ERC2: variants seen among roughly 807,000 people sequenced by gnomAD.
The protein encoded by ERC2 is ERC protein 2.
In ERC2, 42 loss-of-function variants were observed where a neutral mutation model predicts 114.8. That is an observed-to-expected ratio of 0.37 (90% CI 0.29 to 0.47). ERC2 has a LOEUF of 0.47. Among genes scored for constraint, ERC2 ranks in the 20% least tolerant of loss-of-function variants. The pLI is 0.99. For synonymous variants in ERC2, 454 were observed against 425.5 expected (o/e 1.07, Z -0.82); for missense variants, 939 against 1,150.7 (o/e 0.82, Z 2.66).
In ERC2 at chr3:56,089,586, C is replaced by CTTT. The variant is rs3052550; in HGVS notation, c.1474-8605_1474-8603dup. ...TTTTTGTATTGTCTTCAAAATCTAG[C>CTTT]TTTTTTTTAATACTTTTAGCACATC... On this transcript the variant is annotated intron_variant, in intron 6 of 17. Transcript: ENST00000288221. 3.4e-3 allele frequency among the ~76,000 whole-genome samples: 515 copies of CTTT among 151,650 alleles called. 5 individuals carry two copies. The highest frequency in any genetic ancestry group is 0.012 in the African/African-American group (480 of 41,324).
chr3:56,431,604 C>T (rs904659109), intron 2 of ERC2, among the ~76,000 whole-genome samples: 4 of 152,074 alleles, frequency 2.6e-5, no homozygotes. Context: ...CAAAACTTAC[C>T]CTATCCTGAC....
At chr3:56,382,826 C>T (rs960921196) in intron 2 of ERC2, among the ~76,000 whole-genome samples, 2 of 152,058 alleles carry the variant, frequency 1.3e-5, no homozygotes, top group African/African-American at 4.8e-5. Flanking sequence ...CTATCTCATC[C>T]CTGGACTCGA....
intron 16 of ERC2, among the ~76,000 whole-genome samples, chr3:55,690,658 C>A (rs1465296398): frequency 2.0e-5 from 3 of 152,152 alleles, no homozygotes; most frequent in African/African-American, 7.2e-5. Context: ...AACACTCTAC[C>A]CCAAATAGCA....
chr3:55,790,847 T>A (rs2149076186), intron 14 of ERC2, among the ~76,000 whole-genome samples: 1 of 152,372 alleles, frequency 6.6e-6, no homozygotes, highest in East Asian at 1.9e-4. Context: ...CAAGGAACCC[T>A]TGTTTCATTC....
chr3:55,510,797 G>A lies in ERC2; in HGVS notation c.*519C>T, dbSNP rs2052020280. 6.6e-6 allele frequency: 1 copy of A among 152,142 alleles called. No individual in the cohort carries two copies. Among genetic ancestry groups the A allele is most frequent in the Non-Finnish European group, 1.5e-5 (1 of 68,034 alleles). 9.4% of individuals were successfully genotyped at this position (152,142 alleles called of 1,614,324 possible). A position where few individuals can be genotyped will look rare whatever the true frequency, so the allele number is the denominator to read the frequency against. ...ACTGCCAACACCACTCACTCACAGC[G>A]AATTTATACTTTTTGATAATCTAAT... On this transcript the variant is annotated 3_prime_UTR_variant, in exon 18 of 18. Transcript: ENST00000288221.
chr3:55,629,695 C>T (rs922888184), intron 17 of ERC2, among the ~76,000 whole-genome samples: 26 of 152,198 alleles, frequency 1.7e-4, no homozygotes, highest in Non-Finnish European at 1.6e-4. Flanking sequence ...AGATAAGGTA[C>T]TTCTCATGAA....
At chr3:56,281,788 C>T (rs2054366508) in intron 3 of ERC2, among the ~76,000 whole-genome samples, 1 of 152,114 alleles carries the variant, frequency 6.6e-6, no homozygotes, top group South Asian at 2.1e-4. Context: ...GAATTGTCTC[C>T]ATAACATTCT....
intron 6 of ERC2, among the ~76,000 whole-genome samples, chr3:56,109,154 C>T (rs932933424): frequency 2.0e-5 from 3 of 151,912 alleles, no homozygotes; most frequent in Admixed American, 2.0e-4. Context: ...ATTTTTTCTG[C>T]TCCTCTCTCC....
chr3:55,926,586 A>C (rs1032939365), intron 13 of ERC2, among the ~76,000 whole-genome samples: 1 of 152,190 alleles, frequency 6.6e-6, no homozygotes, highest in African/African-American at 2.4e-5. Context: ...GTTGAACACA[A>C]GTAAGATCCG....
At chr3:55,931,877 A>G (rs2066114742) in intron 13 of ERC2, among the ~76,000 whole-genome samples, 1 of 152,208 alleles carries the variant, frequency 6.6e-6, no homozygotes, top group Non-Finnish European at 1.5e-5. Context: ...TCTTATAAAA[A>G]TCATTTGCTG....
intron 12 of ERC2, among the ~76,000 whole-genome samples, chr3:55,964,894 G>A (rs1237123346): frequency 6.6e-6 from 1 of 152,130 alleles, no homozygotes; most frequent in Non-Finnish European, 1.5e-5. Flanking sequence ...CTTCTCTCTG[G>A]TCTGAAAGGC....
intron 2 of ERC2, among the ~76,000 whole-genome samples, chr3:56,425,368 C>A (rs1229442485): frequency 6.6e-6 from 1 of 152,010 alleles, no homozygotes; most frequent in Non-Finnish European, 1.5e-5. Flanking sequence ...ACCAAGACCG[C>A]CCACCACACA....
chr3:55,883,195 T>C (rs1244518566), intron 14 of ERC2, among the ~76,000 whole-genome samples: 3 of 152,236 alleles, frequency 2.0e-5, no homozygotes, highest in Non-Finnish European at 4.4e-5. Context: ...AGATTCACAA[T>C]ATCCAATATT....
At chr3:56,271,834 T>G (rs1331041715) in intron 3 of ERC2, among the ~76,000 whole-genome samples, 1 of 152,126 alleles carries the variant, frequency 6.6e-6, no homozygotes, top group Non-Finnish European at 1.5e-5. Flanking sequence ...GTGTTATAAG[T>G]GAGAACATGC....
At chr3:55,520,060 A>AAG (rs2052802512) in intron 17 of ERC2, among the ~76,000 whole-genome samples, 2 of 150,638 alleles carry the variant, frequency 1.3e-5, no homozygotes, top group South Asian at 2.1e-4. Flanking sequence ...GTCTCCAAAA[A>AAG]AAAAGGAAAA....
At chr3:55,868,929 T>C (rs1381281588) in intron 14 of ERC2, among the ~76,000 whole-genome samples, 1 of 152,196 alleles carries the variant, frequency 6.6e-6, no homozygotes, top group African/African-American at 2.4e-5. Context: ...TTAAATAATA[T>C]TTTCCAGGCT....
intron 17 of ERC2, among the ~76,000 whole-genome samples, chr3:55,634,001 C>T (rs1183368651): frequency 6.6e-6 from 1 of 152,142 alleles, no homozygotes; most frequent in Non-Finnish European, 1.5e-5. Flanking sequence ...AGGGGACTTG[C>T]CACTCCAAAG....
intron 17 of ERC2, chr3:55,657,984 C>T (rs902312756): frequency 2.6e-5 from 4 of 152,146 alleles, no homozygotes; most frequent in Non-Finnish European, 5.9e-5. Flanking sequence ...TAGCTCCCAC[C>T]GTGGATCTTA....
At chr3:55,930,843 G>A (rs568079990) in intron 13 of ERC2, among the ~76,000 whole-genome samples, 5 of 152,024 alleles carry the variant, frequency 3.3e-5, no homozygotes, top group Non-Finnish European at 7.4e-5. Context: ...GAAAATTTTT[G>A]CAATCTATCC....
Sources: allele counts gnomAD v4.1 joint callset (sites outside exome capture counted in the v4.1 genomes callset), GRCh38; gene constraint gnomAD v4.1.1; transcripts MANE v1.5; gene names NCBI Gene and HGNC (gene_info 2026-07-23, HGNC 2026-07-21).